The following ZNF257 variants were observed in gnomAD, a reference collection of about 807,000 sequenced individuals.
ZNF257 encodes the protein bone marrow zinc finger 4.
In ZNF257, 12 loss-of-function variants were observed where a neutral mutation model predicts 11.9. The observed-to-expected ratio is 1.01, with a 90% CI of 0.65 to 1.63. ZNF257 has a LOEUF of 1.63. Ranked by LOEUF, ZNF257 falls within the 40% of genes most tolerant of loss-of-function variation. ZNF257 has a pLI of 0.00. For missense variants in ZNF257, 580 were observed against 665.5 expected, an observed-to-expected ratio of 0.87 and a Z score of 1.41; for synonymous variants, 183 against 222.7, an observed-to-expected ratio of 0.82 and a Z score of 1.59.
chr19:22,070,900 G>A (rs2022088932), intron 1 of ZNF257, among the ~76,000 whole-genome samples: 1 of 152,174 alleles, frequency 6.6e-6, no homozygotes, highest in African/African-American at 2.4e-5. Flanking sequence ...TAAATGCTTA[G>A]CTAAGTGGTT....
intron 3 of ZNF257, among the ~76,000 whole-genome samples, chr19:22,085,690 G>GCGCA (rs1568489806): frequency 6.8e-6 from 1 of 147,972 alleles, no homozygotes; most frequent in African/African-American, 2.5e-5. Flanking sequence ...ACACACACAT[G>GCGCA]CACACACACA....
chr19:22,069,487 C>T (rs962887155), intron 1 of ZNF257, among the ~76,000 whole-genome samples: 6 of 151,994 alleles, frequency 3.9e-5, no homozygotes, highest in African/African-American at 1.4e-4. Context: ...TGGTGGTGGG[C>T]GCCTGTAATC....
intron 3 of ZNF257, among the ~76,000 whole-genome samples, chr19:22,083,859 G>C (rs1424800673): frequency 2.0e-5 from 3 of 152,046 alleles, no homozygotes; most frequent in Admixed American, 2.0e-4. Flanking sequence ...GAGTGATGTG[G>C]TCCGGTGTGG....
chr19:22,083,479 A>C (rs2145715835), intron 3 of ZNF257, among the ~76,000 whole-genome samples: 1 of 152,114 alleles, frequency 6.6e-6, no homozygotes, highest in Middle Eastern at 3.4e-3. Flanking sequence ...GAAAAACTAA[A>C]CTCATAACTA....
In ZNF257 at chr19:22,052,485, C is replaced by T; in HGVS notation, c.-148C>T. 3 of 919,742 alleles carry T rather than the reference C, an allele frequency of 3.3e-6. No homozygotes were observed. Among genetic ancestry groups the T allele is most frequent in the African/African-American group, 1.7e-5 (1 of 59,736 alleles). 57.0% of individuals were successfully genotyped at this position (919,742 alleles called of 1,614,324 possible). On this transcript the variant is annotated 5_prime_UTR_variant, in exon 1 of 4. Transcript: ENST00000594947. ...GGGTGGCTTCCGGGTTTGGCGGGTA[C>T]TTTGTCTCTCGCTCTAGCCCGAGCT...
intron 1 of ZNF257, among the ~76,000 whole-genome samples, chr19:22,060,096 G>C (rs1445693231): frequency 6.6e-6 from 1 of 152,220 alleles, no homozygotes; most frequent in Non-Finnish European, 1.5e-5. Context: ...CTTTGCCATT[G>C]TGAATAGTGC....
At chr19:22,053,702 G>A (rs1017393637) in intron 1 of ZNF257, among the ~76,000 whole-genome samples, 1 of 152,120 alleles carries the variant, frequency 6.6e-6, no homozygotes, top group Non-Finnish European at 1.5e-5. Context: ...CAGGCGGGCG[G>A]ATCACTTGAG....
intron 1 of ZNF257, among the ~76,000 whole-genome samples, chr19:22,059,995 G>A (rs1321091171): frequency 2.0e-5 from 3 of 152,162 alleles, no homozygotes; most frequent in Admixed American, 2.0e-4. Context: ...CTCCCAAAGT[G>A]TTGGATTAGA....
Position 22,088,635 on chromosome 19 carries a change from G to A in ZNF257, c.885G>A (p.Lys295=), listed in dbSNP as rs780779622. 1.2e-5 allele frequency: 20 copies of A among 1,606,934 alleles called. No homozygotes were observed. The highest frequency in any genetic ancestry group is 1.4e-5 in the Non-Finnish European group (17 of 1,178,646). ...ATGATGAATGTTGCAAAGCCTTTAA[G>A]TGGTCCTCAGCTCTTACTACCCTTA... ...FKYDECCKAF[K]WSSALTTLTQ... The change falls in exon 4 of 4, where the codon AAG becomes AAA. Residue 295 remains lysine (K), a synonymous_variant. Transcript: ENST00000594947.
chr19:22,075,296 C>G (rs999486322), intron 3 of ZNF257: 3 of 152,788 alleles, frequency 2.0e-5, no homozygotes, highest in African/African-American at 7.3e-5. Context: ...TACCTTAAAT[C>G]GGGATGTAAA....
At chr19:22,079,023 C>T (rs2022298569) in intron 3 of ZNF257, among the ~76,000 whole-genome samples, 1 of 152,054 alleles carries the variant, frequency 6.6e-6, no homozygotes, top group African/African-American at 2.4e-5. Flanking sequence ...AACTCCTGAC[C>T]TCAGGTGATC....
At chr19:22,053,229 G>A (rs1002930175) in intron 1 of ZNF257, among the ~76,000 whole-genome samples, 2 of 152,022 alleles carry the variant, frequency 1.3e-5, no homozygotes, top group East Asian at 3.9e-4. Context: ...ATTAGCGGGC[G>A]TGGTGGCATG....
At chr19:22,061,857 T>C (rs916326658) in intron 1 of ZNF257, among the ~76,000 whole-genome samples, 7 of 144,106 alleles carry the variant, frequency 4.9e-5, no homozygotes, top group African/African-American at 2.0e-4. Flanking sequence ...ATGTTAAATT[T>C]TGTTGAAAGC....
chr19:22,074,771 C>G (rs528570966), intron 3 of ZNF257, among the ~76,000 whole-genome samples: 6 of 151,474 alleles, frequency 4.0e-5, no homozygotes, highest in Non-Finnish European at 8.8e-5. Flanking sequence ...TGCTAATTTA[C>G]GGAGTTTATT....
intron 1 of ZNF257, among the ~76,000 whole-genome samples, chr19:22,064,886 T>C (rs1053114722): frequency 2.6e-5 from 4 of 152,018 alleles, no homozygotes; most frequent in Admixed American, 1.3e-4. Context: ...AAACCCCGTT[T>C]CTACTAAAAA....
At position 22,088,587 on chromosome 19, in the gene ZNF257, T is replaced by C; in HGVS notation, c.837T>C (p.His279=). 2 of 1,612,906 alleles carry C rather than the reference T, an allele frequency of 1.2e-6. No homozygotes were observed. The highest frequency in any genetic ancestry group is 2.2e-5 in the South Asian group (2 of 91,034). The change falls in exon 4 of 4, where the codon CAT becomes CAC. Residue 279 remains histidine (H), a synonymous_variant. Coordinates refer to ENST00000594947, the MANE Select transcript of ZNF257 (RefSeq NM_033468.4). ...SSHITQHKRI[H]NREKPFKYDE... ...ACATTACTCAACATAAGAGAATTCATAATAGAGAGAAGCCCTTCAAATATG... is the reference window on the plus strand; with the variant it reads ...ACATTACTCAACATAAGAGAATTCACAATAGAGAGAAGCCCTTCAAATATG...
At chr19:22,058,104 A>G (rs905735020) in intron 1 of ZNF257, among the ~76,000 whole-genome samples, 2 of 147,736 alleles carry the variant, frequency 1.4e-5, no homozygotes, top group African/African-American at 5.1e-5. Context: ...GAAAATGTGC[A>G]GAGTCTGTGT....
chr19:22,055,111 T>A (rs184369846), intron 1 of ZNF257, among the ~76,000 whole-genome samples: 1 of 152,190 alleles, frequency 6.6e-6, no homozygotes, highest in Non-Finnish European at 1.5e-5. Context: ...CAGATGCTGG[T>A]AAAAAACACA....
chr19:22,077,104 A>C (rs961374830), intron 3 of ZNF257, among the ~76,000 whole-genome samples: 2 of 152,148 alleles, frequency 1.3e-5, no homozygotes, highest in African/African-American at 4.8e-5. Flanking sequence ...GCTTGAGCCC[A>C]AAATGTTGAG....
Sources: gnomAD v4.1 joint callset for allele counts (sites outside exome capture counted in the v4.1 genomes callset) on GRCh38, gnomAD v4.1.1 for gene constraint, MANE v1.5 for transcripts, NCBI Gene and HGNC (gene_info 2026-07-23, HGNC 2026-07-21) for gene names.